Variants in CBX2 observed in about 807,000 individuals in gnomAD.
The protein encoded by CBX2 is chromobox protein homolog 2.
Under a neutral mutation model 21.0 loss-of-function variants are expected in CBX2, and 11 were observed. That is an observed-to-expected ratio of 0.52 (90% CI 0.33 to 0.87). CBX2 has a LOEUF of 0.87. Ranked by LOEUF, CBX2 falls within the 40% of genes least tolerant of loss-of-function variation. The pLI, the probability that CBX2 is intolerant of heterozygous loss-of-function variation, is 0.02. For synonymous variants in CBX2, 364 were observed against 304.6 expected (o/e 1.19, Z -2.03); for missense variants, 746 against 724.3 (o/e 1.03, Z -0.34).
rs782818874 is a variant in CBX2, at chr17:79,784,910, C to T, written c.1467C>T (p.Thr489=). The T allele has an allele frequency of 1.2e-6, 2 of 1,613,516 alleles. No individual in the cohort carries two copies. The highest frequency in any genetic ancestry group is 1.7e-6 in the Non-Finnish European group (2 of 1,180,040). ...AGAACCCGTCAGTGTCCGTTCAGAC[C>T]AGCCAGGACTGGAAGCCCACCCGCA... ...TGQNPSVSVQ[T]SQDWKPTRSL... The change falls in exon 5 of 5, where the codon ACC becomes ACT. Residue 489 remains threonine, a synonymous_variant. Transcript: ENST00000310942. The surrounding 1 kb of genome is among the most constrained non-coding windows in gnomAD (Gnocchi z 5.9).
chr17:79,782,508 T>C (rs1907305830), intron 4 of CBX2: 15 of 1,171,004 alleles, frequency 1.3e-5, no homozygotes, highest in Non-Finnish European at 1.6e-5. Flanking sequence ...GTGGCTTTGA[T>C]TCCCTCCTCC....
rs1347899415 is a variant in CBX2, at chr17:79,783,397, CCTT to C, written c.289-332_289-330del. On this transcript the variant is annotated intron_variant, in intron 4 of 4. Transcript: ENST00000310942. The stretch of plus-strand genomic sequence containing the variant: ...GGGAACAGGCAGTGGAGGTGTGACA[CCTT>C]CTCCTTTATCTTTTTTTTTTTTTTT... Among the ~76,000 whole-genome samples the C allele has an allele frequency of 2.0e-5, 3 of 151,086 alleles. No homozygotes were observed. The South Asian group carries it at 6.4e-4, about 32-fold the overall frequency.
chr17:79,782,692 G>A (rs1261948896), intron 4 of CBX2, among the ~76,000 whole-genome samples: 5 of 152,222 alleles, frequency 3.3e-5, no homozygotes, highest in Non-Finnish European at 7.3e-5. Flanking sequence ...AGGATTGTGG[G>A]GGCTGCAGGA....
In CBX2 at chr17:79,784,511, G is replaced by A. The variant is rs1295933256; in HGVS notation, c.1068G>A (p.Leu356=). 2.5e-6 allele frequency: 4 copies of A among 1,612,720 alleles called. No homozygotes were observed. The highest frequency in any genetic ancestry group is 3.4e-6 in the Non-Finnish European group (4 of 1,179,928). ...CCCAGGAGCTGAGCCTCCAGGTCTT[G>A]GACTTGCAGAGTGTCAAGAATGGCA... The part of the protein sequence containing the change: ...APTQELSLQV[L]DLQSVKNGMP... The change falls in exon 5 of 5, where the codon TTG becomes TTA. Residue 356 remains leucine (L), a synonymous_variant. Transcript: ENST00000310942. This position sits in a 1 kb window ranked among gnomAD's most constrained non-coding sequence, Gnocchi z 5.9.
At chr17:79,780,545 G>A (rs1417682560) in intron 3 of CBX2, among the ~76,000 whole-genome samples, 3 of 152,046 alleles carry the variant, frequency 2.0e-5, no homozygotes, top group Admixed American at 6.6e-5. Context: ...GATCTAAGAC[G>A]GTGTCCTAAC....
rs201905846 is a variant in CBX2 at position 79,784,542 on chromosome 17, G to A, written c.1099G>A (p.Gly367Arg). 1.6e-5 allele frequency: 25 copies of A among 1,612,664 alleles called. No homozygotes were observed. Among genetic ancestry groups the A allele is most frequent in the Middle Eastern group, 3.3e-4 (2 of 6,062 alleles). ...GCAGAGTGTCAAGAATGGCATGCCCGGGGTGGGTCTCCTTGCCCGCCACGC... is the reference window on the plus strand; with the variant it reads ...GCAGAGTGTCAAGAATGGCATGCCCAGGGTGGGTCTCCTTGCCCGCCACGC... The part of the protein sequence containing the change: ...DLQSVKNGMP[G>R]VGLLARHATA... Residue 367 changes from glycine to arginine, a missense_variant, in exon 5 of 5, where the codon GGG becomes AGG. Around this residue, in one of 2 missense-constraint regions of CBX2, gnomAD observed 701 missense variants for 650.7 expected, o/e 1.08. Transcript: ENST00000310942. The surrounding 1 kb of genome is among the most constrained non-coding windows in gnomAD (Gnocchi z 5.9).
Position 79,787,162 on chromosome 17 carries a change from T to A in CBX2, c.*2120T>A, listed in dbSNP as rs1907694227. ...GCCTCAGGCACCAGCCTCCCTGTGC[T>A]CGACAGCAAAGTCTTGACTCCTTCC... is the stretch of plus-strand genomic sequence containing the variant. On this transcript the variant is annotated 3_prime_UTR_variant, in exon 5 of 5. Coordinates refer to ENST00000310942, the MANE Select transcript of CBX2 (RefSeq NM_005189.3). The A allele has an allele frequency of 6.6e-6, 1 of 152,360 alleles. No individual in the cohort carries two copies. Among genetic ancestry groups the A allele is most frequent in the South Asian group, 2.1e-4 (1 of 4,836 alleles). 9.4% of individuals were successfully genotyped at this position (152,360 alleles called of 1,614,324 possible). A position where few individuals can be genotyped will look rare whatever the true frequency, so the allele number is the denominator to read the frequency against.
intron 4 of CBX2, chr17:79,782,452 G>A (rs1258836089): frequency 7.8e-7 from 1 of 1,274,704 alleles, no homozygotes; most frequent in African/African-American, 1.5e-5. Context: ...GAGGACAGGT[G>A]AGGCAGGACA....
intron 3 of CBX2, among the ~76,000 whole-genome samples, chr17:79,780,711 C>G (rs1907113580): frequency 1.3e-5 from 2 of 151,252 alleles, no homozygotes; most frequent in South Asian, 2.1e-4. Context: ...TCTCTGGGCA[C>G]TAGGAGCTGG....
rs150583687 is a variant in CBX2, at chr17:79,782,008, G to A, written c.288+207G>A. ...CCCAGCCGGCTGAGAGTTCCTCCCC[G>A]CCCCTCCCAGGGGCTTCCTGCTTCA... On this transcript the variant is annotated intron_variant, in intron 4 of 4. Coordinates refer to ENST00000310942, the MANE Select transcript of CBX2 (RefSeq NM_005189.3). 19 of 1,613,996 alleles carry A rather than the reference G, an allele frequency of 1.2e-5. No homozygotes were observed. The Admixed American group carries it at 2.2e-4, about 18-fold the overall frequency.
rs782198883 is a variant in CBX2, at chr17:79,779,351, C to T, written c.117-11C>T. The T allele has an allele frequency of 1.2e-6, 2 of 1,613,400 alleles. No homozygotes were observed. Among genetic ancestry groups the T allele is most frequent in the Admixed American group, 3.3e-5 (2 of 59,984 alleles). ...CTGGCGTCTAATGCTGCCCTGTCCTCTGCTTTGCAGACATAACAGCTGGGA... is the reference window on the plus strand; with the variant it reads ...CTGGCGTCTAATGCTGCCCTGTCCTTTGCTTTGCAGACATAACAGCTGGGA... On this transcript the variant is annotated splice_polypyrimidine_tract_variant and intron_variant, in intron 2 of 4. Transcript: ENST00000310942.
At position 79,784,844 on chromosome 17, in the gene CBX2, GGACTCCGACCCC is replaced by G. The variant is rs782017468; in HGVS notation, c.1409_1420del (p.Asp470_Ser473del). ...GCGCAGGTGAGGAGAGTAGCAGCTC[GGACTCCGACCCC>G]GACTCCGCCTCGCCGCCCAGCACTG... On this transcript the variant is annotated inframe_deletion, in exon 5 of 5. Coordinates refer to ENST00000310942, the MANE Select transcript of CBX2 (RefSeq NM_005189.3). This position sits in a 1 kb window ranked among gnomAD's most constrained non-coding sequence, Gnocchi z 5.9. 1 of 1,612,728 alleles carries G rather than the reference GGACTCCGACCCC, an allele frequency of 6.2e-7. No homozygotes were observed. Among genetic ancestry groups the G allele is most frequent in the Non-Finnish European group, 8.5e-7 (1 of 1,179,796 alleles).
intron 4 of CBX2, among the ~76,000 whole-genome samples, chr17:79,782,805 G>C (rs1907332939): frequency 6.6e-6 from 1 of 152,194 alleles, no homozygotes; most frequent in Admixed American, 6.5e-5. Context: ...GGGTGGTAGG[G>C]AGGCGGTGTT....
In CBX2 at chr17:79,778,372, C is replaced by T. The variant is rs1403953679; in HGVS notation, c.73-12C>T. The stretch of plus-strand genomic sequence containing the variant: ...GTCCGTCTGGCTCACGGCCCCTCTT[C>T]TCTCCCCGCAGGGCAAGCTGGAGTA... On this transcript the variant is annotated splice_polypyrimidine_tract_variant and intron_variant, in intron 1 of 4. Transcript: ENST00000310942. This position sits in a 1 kb window ranked among gnomAD's most constrained non-coding sequence, Gnocchi z 4.8. 2 of 1,585,276 alleles carry T rather than the reference C, an allele frequency of 1.3e-6. No individual in the cohort carries two copies. Among genetic ancestry groups the T allele is most frequent in the Non-Finnish European group, 1.7e-6 (2 of 1,170,648 alleles).
Position 79,778,510 on chromosome 17 carries a change from G to T in CBX2, c.116+83G>T, listed in dbSNP as rs1906909653. On this transcript the variant is annotated intron_variant, in intron 2 of 4. Transcript: ENST00000310942. The surrounding 1 kb of genome is among the most constrained non-coding windows in gnomAD (Gnocchi z 4.8). ...TGGAGCCCCTCGGCCGCGCCGTCCG[G>T]TGGCCTGGGGGCGCCCGCGGGCAGA... The T allele has an allele frequency of 3.4e-6, 3 of 887,072 alleles. No individual in the cohort carries two copies. The highest frequency in any genetic ancestry group is 2.0e-5 in the South Asian group (1 of 49,156). 55.0% of individuals were successfully genotyped at this position (887,072 alleles called of 1,614,324 possible).
intron 4 of CBX2, 55 bp downstream of exon 4, chr17:79,781,856 G>C: frequency 6.2e-7 from 1 of 1,614,060 alleles, no homozygotes; most frequent in Non-Finnish European, 8.5e-7. Context: ...CCTTGGCGTA[G>C]GGGGCAGGCA....
Position 79,784,147 on chromosome 17 carries a change from C to G in CBX2, c.704C>G (p.Ala235Gly), listed in dbSNP as rs928269948. The part of the protein sequence containing the change: ...PSAMATPENL[A>G]SLMKGMASSP... Reference sequence around the variant, plus strand: ...GCCATGGCCACCCCAGAGAACCTGGCCAGCCTAATGAAGGGCATGGCCAGT... The same window carrying G: ...GCCATGGCCACCCCAGAGAACCTGGGCAGCCTAATGAAGGGCATGGCCAGT... The change falls in exon 5 of 5, where the codon GCC becomes GGC. Residue 235 changes from alanine (A) to glycine (G), a missense_variant. Around this residue, in one of 2 missense-constraint regions of CBX2, gnomAD observed 701 missense variants for 650.7 expected, o/e 1.08. Transcript: ENST00000310942. This position sits in a 1 kb window ranked among gnomAD's most constrained non-coding sequence, Gnocchi z 5.9. The G allele has an allele frequency of 6.2e-7, 1 of 1,612,342 alleles. No homozygotes were observed. Among genetic ancestry groups the G allele is most frequent in the Non-Finnish European group, 8.5e-7 (1 of 1,179,802 alleles).
chr17:79,787,982 A>G lies in CBX2; in HGVS notation c.*2940A>G, dbSNP rs1323940977. 16 of 152,176 alleles carry G rather than the reference A, an allele frequency of 1.1e-4. No homozygotes were observed. Among genetic ancestry groups the G allele is most frequent in the Admixed American group, 1.0e-3 (16 of 15,282 alleles). The allele number at this position is 152,176 out of a possible 1,614,324, so 9.4% of individuals were successfully genotyped here. On this transcript the variant is annotated 3_prime_UTR_variant, in exon 5 of 5. Coordinates refer to ENST00000310942, the MANE Select transcript of CBX2 (RefSeq NM_005189.3). ...AAAATCATTCATGTATGCCACTTCT[A>G]ATTGCTTTCAACTATGGCTGTTTGC...
chr17:79,783,846 C>T lies in CBX2; in HGVS notation c.403C>T (p.Arg135Trp), dbSNP rs782775641. The T allele has an allele frequency of 3.1e-6, 5 of 1,612,854 alleles. No homozygotes were observed. The highest frequency in any genetic ancestry group is 2.2e-5 in the East Asian group (1 of 44,812). Residue 135 changes from arginine to tryptophan, a missense_variant, in exon 5 of 5, where the codon CGG becomes TGG. Arg to Trp is a moderately radical substitution (Grantham distance 101). This residue lies in a region of CBX2 where 701 missense variants were observed against 650.7 expected (regional missense o/e 1.08). Coordinates refer to ENST00000310942, the MANE Select transcript of CBX2 (RefSeq NM_005189.3). ...DSDLDAKRGP[R>W]GRETHPVPQK... ...TGACTTAGATGCTAAGAGGGGTCCC[C>T]GGGGCCGCGAGACCCACCCAGTGCC... is the stretch of plus-strand genomic sequence containing the variant.
Sources: allele counts gnomAD v4.1 joint callset (sites outside exome capture counted in the v4.1 genomes callset), GRCh38; gene constraint gnomAD v4.1.1; regional missense constraint gnomAD v4.1.1; non-coding constraint Gnocchi (gnomAD v3.1); transcripts MANE v1.5; gene names NCBI Gene and HGNC (gene_info 2026-07-23, HGNC 2026-07-21).